The following CES2 variants were observed in gnomAD, a reference collection of about 807,000 sequenced individuals.
CES2 encodes the protein cocaine esterase.
A neutral mutation model predicts 52.1 loss-of-function variants in CES2; 42 were observed. The ratio of observed to expected loss-of-function variants is 0.81; its 90% CI spans 0.63 to 1.04. CES2 has a LOEUF of 1.04. CES2 is among the 50% of genes least tolerant of loss of function. The pLI is 0.00. For synonymous variants in CES2, 277 were observed against 289.6 expected (o/e 0.96, Z 0.44); for missense variants, 656 against 724.3 (o/e 0.91, Z 1.08).
Position 66,940,683 on chromosome 16 carries a change from T to A in CES2, c.804T>A (p.Asp268Glu). 1.9e-6 allele frequency: 3 copies of A among 1,614,130 alleles called. No homozygotes were observed. The highest frequency in any genetic ancestry group is 2.5e-6 in the Non-Finnish European group (3 of 1,180,020). ...CCGGCCTCATTGCCAGCTCAGCTGA[T>A]GTCATCTCCACGGTGAGTGCCCTCA... ...LLPGLIASSA[D>E]VISTVVANLS... Residue 268 changes from aspartate to glutamate, a missense_variant, in exon 5 of 12, where the codon GAT (aspartate) becomes GAA (glutamate). By Grantham distance (45) the Asp-to-Glu change is conservative. Coordinates refer to ENST00000317091, the MANE Select transcript of CES2 (RefSeq NM_001365405.1).
chr16:66,939,416 G>C (rs946971104), intron 3 of CES2, 58 bp downstream of exon 3: 1 of 1,572,942 alleles, frequency 6.4e-7, no homozygotes, highest in African/African-American at 1.3e-5. Flanking sequence ...GCAAGAAGCT[G>C]AAAAGGACAA....
At chr16:66,937,270 C>T (rs972844551) in intron 1 of CES2, among the ~76,000 whole-genome samples, 2 of 152,186 alleles carry the variant, frequency 1.3e-5, no homozygotes, top group Middle Eastern at 3.2e-3. Context: ...GTGTGCCATC[C>T]TCTTTTTACC....
At chr16:66,937,402 T>G (rs1456606552) in intron 1 of CES2, among the ~76,000 whole-genome samples, 1 of 152,158 alleles carries the variant, frequency 6.6e-6, no homozygotes, top group East Asian at 1.9e-4. Context: ...ATGTGTGCAC[T>G]TGTCCTTGAT....
chr16:66,943,949 T>G lies in CES2; in HGVS notation c.1604T>G (p.Leu535Arg). ...GGCCGGGCTCTGAAGGCCCACAGGCTCCAGTTCTGGAAGAAGGCGCTGCCC... is the reference window on the plus strand; with the variant it reads ...GGCCGGGCTCTGAAGGCCCACAGGCGCCAGTTCTGGAAGAAGGCGCTGCCC... ...AVGRALKAHR[L>R]QFWKKALPQK... The change falls in exon 12 of 12, where the codon CTC becomes CGC. Residue 535 changes from leucine to arginine, a missense_variant. Physicochemically the swap from Leu to Arg is moderately radical, Grantham distance 102. Transcript: ENST00000317091. This position sits in a 1 kb window ranked among gnomAD's most constrained non-coding sequence, Gnocchi z 4.2. The G allele has an allele frequency of 6.2e-7, 1 of 1,607,750 alleles. No homozygotes were observed. Among genetic ancestry groups the G allele is most frequent in the Non-Finnish European group, 8.5e-7 (1 of 1,175,530 alleles).
chr16:66,941,402 T>C, intron 6 of CES2, 104 bp from the exon 7 acceptor site: 1 of 1,534,288 alleles, frequency 6.5e-7, no homozygotes. Flanking sequence ...CTGGGGTGGG[T>C]ATGAGCATCC....
At chr16:66,942,806 G>C (rs775066950) in intron 10 of CES2, 21 bp downstream of exon 10, 16 of 1,614,004 alleles carry the variant, frequency 9.9e-6, no homozygotes, top group Admixed American at 1.7e-5. Context: ...TTCCTTTCCC[G>C]GGAGGTGGGC....
chr16:66,943,462 A>G lies in CES2; in HGVS notation c.1493+91A>G, dbSNP rs1567549946. On this transcript the variant is annotated intron_variant, in intron 11 of 11. Coordinates refer to ENST00000317091, the MANE Select transcript of CES2 (RefSeq NM_001365405.1). This position sits in a 1 kb window ranked among gnomAD's most constrained non-coding sequence, Gnocchi z 4.2. Reference sequence around the variant, plus strand: ...TAGTCTGGGGTGACCTCATGAGCACACCCGCATCCTTCATCACATGATGGC... The same window carrying G: ...TAGTCTGGGGTGACCTCATGAGCACGCCCGCATCCTTCATCACATGATGGC... 3.3e-5 allele frequency: 44 copies of G among 1,341,718 alleles called. No homozygotes were observed. In the South Asian group the frequency reaches 4.1e-4, roughly 13 times the overall value. The allele number at this position is 1,341,718 out of a possible 1,614,324, so 83.1% of individuals were successfully genotyped here. A position where few individuals can be genotyped will look rare whatever the true frequency, so the allele number is the denominator to read the frequency against.
At position 66,935,662 on chromosome 16, in the gene CES2, G is replaced by T. The variant is rs757387762; in HGVS notation, c.27G>T (p.Arg9=). ...TGCGGCTGCACAGACTTCGTGCGCGGCTGAGCGCGGTGGCCTGTGGGCTTC... is the reference window on the plus strand; with the variant it reads ...TGCGGCTGCACAGACTTCGTGCGCGTCTGAGCGCGGTGGCCTGTGGGCTTC... MRLHRLRA[R]LSAVACGLLL... is the part of the protein sequence containing the mutation. Residue 9 remains arginine, a synonymous_variant, in exon 1 of 12, where the codon CGG becomes CGT. Coordinates refer to ENST00000317091, the MANE Select transcript of CES2 (RefSeq NM_001365405.1). The T allele has an allele frequency of 2.5e-6, 4 of 1,603,248 alleles. No individual in the cohort carries two copies. In the South Asian group the frequency reaches 3.3e-5, roughly 13 times the overall value.
upstream of CES2, chr16:66,935,232 C>T (rs559126781): frequency 1.2e-4 from 66 of 542,476 alleles, no homozygotes; most frequent in African/African-American, 1.2e-3. Flanking sequence ...AGAAGCCCTC[C>T]TGGGGTCTCC....
chr16:66,935,151 C>A, upstream of CES2: 1 of 360,440 alleles, frequency 2.8e-6, no homozygotes, highest in Non-Finnish European at 5.1e-6. Flanking sequence ...TTTGCTCAAG[C>A]GGTTCCTTCA....
chr16:66,943,535 G>T lies in CES2; in HGVS notation c.1493+164G>T, dbSNP rs1963413827. 7.1e-6 allele frequency: 5 copies of T among 702,268 alleles called. No individual in the cohort carries two copies. The highest frequency in any genetic ancestry group is 1.8e-5 in the South Asian group (1 of 56,214). The allele number at this position is 702,268 out of a possible 1,614,324, so 43.5% of individuals were successfully genotyped here. A position where few individuals can be genotyped will look rare whatever the true frequency, so the allele number is the denominator to read the frequency against. ...ACTCAGACAGGGTGGGGGTGCGTGG[G>T]GCAGTGGACACGCTCTATCTCTCCA... On this transcript the variant is annotated intron_variant, in intron 11 of 11. Coordinates refer to ENST00000317091, the MANE Select transcript of CES2 (RefSeq NM_001365405.1). The surrounding 1 kb of genome is among the most constrained non-coding windows in gnomAD (Gnocchi z 4.2).
chr16:66,945,070 A>G lies in CES2; in HGVS notation c.*1045A>G, dbSNP rs1486024362. On this transcript the variant is annotated 3_prime_UTR_variant, in exon 12 of 12. Coordinates refer to ENST00000317091, the MANE Select transcript of CES2 (RefSeq NM_001365405.1). ...TGTCCGTTCATCCCTGAGAGGTCTG[A>G]AAGAATAAAAATAAATTCTAAAAAA... 2.0e-5 allele frequency: 3 copies of G among 152,262 alleles called. No individual in the cohort carries two copies. The highest frequency in any genetic ancestry group is 2.0e-4 in the Admixed American group (3 of 15,278). The allele number at this position is 152,262 out of a possible 1,614,324, so 9.4% of individuals were successfully genotyped here.
chr16:66,940,147 G>T (rs1356720024), intron 3 of CES2, 75 bp from the exon 4 acceptor site: 3 of 1,579,992 alleles, frequency 1.9e-6, no homozygotes, highest in Non-Finnish European at 2.6e-6. Flanking sequence ...GCAAAGCACT[G>T]GTTGGTCTAG....
chr16:66,941,910 A>T lies in CES2; in HGVS notation c.1137+62A>T, dbSNP rs1963376180. The T allele has an allele frequency of 1.9e-6, 3 of 1,608,082 alleles. No homozygotes were observed. The African/African-American group carries it at 4.0e-5, about 22-fold the overall frequency. On this transcript the variant is annotated intron_variant, in intron 8 of 11. Coordinates refer to ENST00000317091, the MANE Select transcript of CES2 (RefSeq NM_001365405.1). ...CTCCTCTCCTGTCCTGAGACAGAGG[A>T]AATTCAACCCCCAGATACCCTTCCT...
chr16:66,935,411 C>T (rs756425315), upstream of CES2: 12 of 1,547,810 alleles, frequency 7.8e-6, no homozygotes, highest in South Asian at 1.2e-5. Flanking sequence ...TGGCCGTGCC[C>T]GGGCCTGCCT....
chr16:66,938,230 C>G lies in CES2; in HGVS notation c.270C>G (p.Thr90=). The change falls in exon 2 of 12, where the codon ACC becomes ACG. Residue 90 remains threonine (T), a synonymous_variant. Coordinates refer to ENST00000317091, the MANE Select transcript of CES2 (RefSeq NM_001365405.1). The part of the protein sequence containing the change: ...ESWSGVRDGT[T]HPAMCLQDLT... ...GGAGTGGTGTGAGGGATGGAACCAC[C>G]CATCCGGCCATGTAAGCTCTCCAAG... The G allele has an allele frequency of 1.2e-6, 2 of 1,613,362 alleles. No individual in the cohort carries two copies. Among genetic ancestry groups the G allele is most frequent in the South Asian group, 2.2e-5 (2 of 91,062 alleles).
At chr16:66,942,362 C>A in intron 9 of CES2, 113 bp downstream of exon 9, 1 of 1,114,018 alleles carries the variant, frequency 9.0e-7, no homozygotes, top group Non-Finnish European at 1.3e-6. Flanking sequence ...GCTCCGGGGA[C>A]ACTTGACATC....
intron 1 of CES2, 131 bp downstream of exon 1, chr16:66,935,842 G>C (rs781075718): frequency 1.9e-6 from 3 of 1,553,884 alleles, no homozygotes. Flanking sequence ...CGTGGAACTC[G>C]TGAGCCCCAC....
rs749405217 is a variant in CES2, at chr16:66,943,283, C to T, written c.1421-16C>T. ...GGACATCCTGATGAAGACACATGTC[C>T]TCTTCCTCTTGGCAGTTAAATTCAC... On this transcript the variant is annotated splice_polypyrimidine_tract_variant and intron_variant, in intron 10 of 11. Transcript: ENST00000317091. This position sits in a 1 kb window ranked among gnomAD's most constrained non-coding sequence, Gnocchi z 4.2. 2.3e-5 allele frequency: 37 copies of T among 1,613,624 alleles called. No individual in the cohort carries two copies. Among genetic ancestry groups the T allele is most frequent in the Non-Finnish European group, 3.1e-5 (37 of 1,179,784 alleles).
Sources: allele counts gnomAD v4.1 joint callset (sites outside exome capture counted in the v4.1 genomes callset), GRCh38; gene constraint gnomAD v4.1.1; non-coding constraint Gnocchi (gnomAD v3.1); transcripts MANE v1.5; gene names NCBI Gene and HGNC (gene_info 2026-07-23, HGNC 2026-07-21).